The following AHCYL2 variants were observed in gnomAD, a reference collection of about 807,000 sequenced individuals.
AHCYL2 encodes adenosylhomocysteinase like 2.
In AHCYL2, 28 loss-of-function variants were observed where a neutral mutation model predicts 81.4. That is an observed-to-expected ratio of 0.34 (90% CI 0.25 to 0.47). AHCYL2 has a LOEUF of 0.47. AHCYL2 is among the 20% of genes least tolerant of loss of function. The pLI is 1.00. For synonymous variants in AHCYL2, 272 were observed against 290.2 expected, an observed-to-expected ratio of 0.94 and a Z score of 0.64; for missense variants, 551 against 785.1, an observed-to-expected ratio of 0.70 and a Z score of 3.56.
chr7:129,299,280 C>CAAA (rs34402215), intron 1 of AHCYL2, among the ~76,000 whole-genome samples: 8 of 119,208 alleles, frequency 6.7e-5, no homozygotes, highest in South Asian at 2.6e-4. Flanking sequence ...CCTCCTCTAC[C>CAAA]AAAAAAAAAA....
chr7:129,324,880 G>A (rs941290094), intron 1 of AHCYL2, among the ~76,000 whole-genome samples: 1 of 152,126 alleles, frequency 6.6e-6, no homozygotes, highest in South Asian at 2.1e-4. Context: ...TGTAAATGGT[G>A]TACATCTTTA....
At chr7:129,322,844 C>T (rs1798088560) in intron 1 of AHCYL2, among the ~76,000 whole-genome samples, 1 of 152,190 alleles carries the variant, frequency 6.6e-6, no homozygotes. Context: ...GATCCACCTG[C>T]TTCAGCCTCC....
chr7:129,366,640 G>A (rs1327109690), intron 1 of AHCYL2, among the ~76,000 whole-genome samples: 1 of 152,054 alleles, frequency 6.6e-6, no homozygotes, highest in Non-Finnish European at 1.5e-5. Context: ...GCCGGGCGTG[G>A]TGGTGCATGC....
At chr7:129,266,489 A>G (rs879722053) in intron 1 of AHCYL2, among the ~76,000 whole-genome samples, 3 of 152,074 alleles carry the variant, frequency 2.0e-5, no homozygotes, top group Admixed American at 6.6e-5. Context: ...AGATCTCACA[A>G]TTGCACTCCA....
At chr7:129,305,523 A>AT (rs1355168421) in intron 1 of AHCYL2, among the ~76,000 whole-genome samples, 2 of 152,048 alleles carry the variant, frequency 1.3e-5, no homozygotes, top group East Asian at 1.9e-4. Flanking sequence ...CCACTTTCTA[A>AT]TTTTTTGTTG....
rs1047855828 is a variant in AHCYL2 at position 129,404,999 on chromosome 7, A to G, written c.1026-98A>G. 5 of 670,244 alleles carry G rather than the reference A, an allele frequency of 7.5e-6. No individual in the cohort carries two copies. In the African/African-American group the frequency reaches 7.5e-5, roughly 10 times the overall value. The allele number at this position is 670,244 out of a possible 1,614,324, so 41.5% of individuals were successfully genotyped here. A position where few individuals can be genotyped will look rare whatever the true frequency, so the allele number is the denominator to read the frequency against. ...GAAACTAGTCATGTCTCATGGTCTC[A>G]TGCCTACCCAATCAACGTATTTCTG... On this transcript the variant is annotated intron_variant, in intron 7 of 16. Transcript: ENST00000325006.
At chr7:129,409,087 T>TA (rs35068503) in intron 10 of AHCYL2, among the ~76,000 whole-genome samples, 1,777 of 144,058 alleles carry the variant, frequency 0.012, 30 homozygotes, top group African/African-American at 0.039. Flanking sequence ...ATCCCATCTC[T>TA]AAAAAAAAAA....
At chr7:129,297,079 G>A (rs2150757173) in intron 1 of AHCYL2, among the ~76,000 whole-genome samples, 1 of 152,296 alleles carries the variant, frequency 6.6e-6, no homozygotes, top group East Asian at 1.9e-4. Context: ...GTGTACACAT[G>A]CACACTGATC....
chr7:129,330,829 T>G (rs2150802639), intron 1 of AHCYL2, among the ~76,000 whole-genome samples: 1 of 152,332 alleles, frequency 6.6e-6, no homozygotes, highest in Non-Finnish European at 1.5e-5. Context: ...TGACCATATT[T>G]GTATTTTAAA....
chr7:129,357,778 C>CA (rs1172986581), intron 1 of AHCYL2, among the ~76,000 whole-genome samples: 2 of 151,074 alleles, frequency 1.3e-5, no homozygotes, highest in African/African-American at 4.9e-5. Flanking sequence ...ACTAAAAATA[C>CA]AAAAAATTAG....
intron 1 of AHCYL2, among the ~76,000 whole-genome samples, chr7:129,265,507 G>A (rs1291508742): frequency 6.6e-6 from 1 of 152,124 alleles, no homozygotes; most frequent in Non-Finnish European, 1.5e-5. Context: ...TGTGGCAAGT[G>A]CACAGGTTCT....
intron 1 of AHCYL2, among the ~76,000 whole-genome samples, chr7:129,372,475 T>G (rs1190613059): frequency 6.6e-6 from 1 of 152,172 alleles, no homozygotes; most frequent in Non-Finnish European, 1.5e-5. Flanking sequence ...AAAGCAGAAT[T>G]AGACCCAGTT....
At chr7:129,229,535 G>C (rs1312425297) in intron 1 of AHCYL2, among the ~76,000 whole-genome samples, 4 of 152,198 alleles carry the variant, frequency 2.6e-5, no homozygotes, top group Non-Finnish European at 5.9e-5. Flanking sequence ...ATCCAGGGCT[G>C]TCCGTCTCCA....
chr7:129,354,732 T>C (rs1037063655), intron 1 of AHCYL2, among the ~76,000 whole-genome samples: 4 of 152,350 alleles, frequency 2.6e-5, no homozygotes, highest in African/African-American at 9.6e-5. Flanking sequence ...ACTGCTAGAC[T>C]TGGCAGAAGA....
chr7:129,417,698 G>T (rs1796924250), intron 12 of AHCYL2, among the ~76,000 whole-genome samples: 1 of 152,096 alleles, frequency 6.6e-6, no homozygotes, highest in South Asian at 2.1e-4. Context: ...AGTGTCACAG[G>T]GCATGTAAAA....
Position 129,426,611 on chromosome 7 carries a change from T to C in AHCYL2, c.1829+48T>C. On this transcript the variant is annotated intron_variant, in intron 16 of 16. Transcript: ENST00000325006. The surrounding 1 kb of genome is among the most constrained non-coding windows in gnomAD (Gnocchi z 4.3). The stretch of plus-strand genomic sequence containing the variant: ...CAGGGACACCTGGGCAGTGATGAGC[T>C]TCCTGCACTGGAATTGGTCTTTGCA... The C allele has an allele frequency of 6.3e-7, 1 of 1,589,832 alleles. No homozygotes were observed. The highest frequency in any genetic ancestry group is 8.5e-7 in the Non-Finnish European group (1 of 1,170,054).
At chr7:129,375,085 C>A (rs1794614120) in intron 1 of AHCYL2, among the ~76,000 whole-genome samples, 1 of 152,126 alleles carries the variant, frequency 6.6e-6, no homozygotes, top group Non-Finnish European at 1.5e-5. Flanking sequence ...GTAGTCGTCC[C>A]TTCCATGAAC....
intron 4 of AHCYL2, among the ~76,000 whole-genome samples, chr7:129,390,334 C>T (rs77086400): frequency 0.012 from 1,806 of 152,184 alleles, 17 homozygotes; most frequent in Non-Finnish European, 0.018. Context: ...TATATGCAAA[C>T]ACTGCATCAT....
intron 1 of AHCYL2, among the ~76,000 whole-genome samples, chr7:129,307,581 G>A (rs990246291): frequency 6.6e-6 from 1 of 151,970 alleles, no homozygotes; most frequent in Non-Finnish European, 1.5e-5. Flanking sequence ...CCAAGAGCCT[G>A]TTTGGTACTC....
Sources: allele counts gnomAD v4.1 joint callset (sites outside exome capture counted in the v4.1 genomes callset), GRCh38; gene constraint gnomAD v4.1.1; non-coding constraint Gnocchi (gnomAD v3.1); transcripts MANE v1.5; gene names NCBI Gene and HGNC (gene_info 2026-07-23, HGNC 2026-07-21).